Variants in FMN2 observed in about 807,000 individuals in gnomAD.
FMN2 encodes the protein formin-2.
A neutral mutation model predicts 142.3 loss-of-function variants in FMN2; 51 were observed. The observed-to-expected ratio is 0.36, with a 90% confidence interval of 0.29 to 0.45. FMN2 has a LOEUF of 0.45. Among genes scored for constraint, FMN2 ranks in the 20% least tolerant of loss-of-function variants. The pLI is 1.00. For missense variants in FMN2, 1,936 were observed against 2,122.8 expected (o/e 0.91, Z 1.73); for synonymous variants, 882 against 869.8 (o/e 1.01, Z -0.25).
intron 16 of FMN2, among the ~76,000 whole-genome samples, chr1:240,443,819 A>G (rs1675711144): frequency 6.6e-6 from 1 of 152,108 alleles, no homozygotes; most frequent in African/African-American, 2.4e-5. Context: ...ACTAACATTT[A>G]TTCTACCAAG....
chr1:240,272,396 C>A (rs558587428), intron 7 of FMN2, among the ~76,000 whole-genome samples: 1 of 152,216 alleles, frequency 6.6e-6, no homozygotes, highest in Admixed American at 6.5e-5. Flanking sequence ...TGGCATAATC[C>A]TTGAGAGGGG....
At chr1:240,339,731 C>A (rs12406544) in intron 13 of FMN2, among the ~76,000 whole-genome samples, 26,092 of 152,004 alleles carry the variant, frequency 0.17, 2,819 homozygotes, top group African/African-American at 0.3. Context: ...GTGTTTATTG[C>A]ATGTGCATAC....
At chr1:240,343,852 C>G (rs1671818564) in intron 13 of FMN2, among the ~76,000 whole-genome samples, 1 of 152,054 alleles carries the variant, frequency 6.6e-6, no homozygotes, top group African/African-American at 2.4e-5. Context: ...CAGGAAGATT[C>G]TGAGTGGACA....
chr1:240,180,310 C>A (rs111893234), intron 3 of FMN2: 10 of 457,998 alleles, frequency 2.2e-5, no homozygotes, highest in Non-Finnish European at 3.2e-5. Flanking sequence ...GACTCCCTGA[C>A]GTAAATTTGG....
At chr1:240,165,041 G>T (rs1170400427) in intron 2 of FMN2, among the ~76,000 whole-genome samples, 1 of 151,742 alleles carries the variant, frequency 6.6e-6, no homozygotes, top group Non-Finnish European at 1.5e-5. Flanking sequence ...ATCCTTCTTT[G>T]AATGCACTAA....
chr1:240,314,389 C>T (rs953332389), intron 8 of FMN2, among the ~76,000 whole-genome samples: 4 of 152,060 alleles, frequency 2.6e-5, no homozygotes, highest in African/African-American at 9.7e-5. Flanking sequence ...TTCACATTTC[C>T]CTCAGAAATG....
rs191996324 is a variant in FMN2, at chr1:240,206,529, C to T, written c.1987-270C>T. 3.1e-4 allele frequency among the ~76,000 whole-genome samples: 47 copies of T among 152,058 alleles called. No homozygotes were observed. In the East Asian group the frequency reaches 6.0e-3, roughly 19 times the overall value. ...CTGGTTTATCACTCAGAGCTTTCTT[C>T]CCTGTTCTCAGTGGTCTATTTGTCC... On this transcript the variant is annotated intron_variant, in intron 4 of 17. Coordinates refer to ENST00000319653, the MANE Select transcript of FMN2 (RefSeq NM_020066.5).
chr1:240,109,292 C>G (rs1661721600), intron 1 of FMN2, among the ~76,000 whole-genome samples: 1 of 152,162 alleles, frequency 6.6e-6, no homozygotes, highest in African/African-American at 2.4e-5. Context: ...AAGATTTCTT[C>G]TGGCTCTAAC....
At chr1:240,146,475 G>C (rs1346722066) in intron 2 of FMN2, among the ~76,000 whole-genome samples, 1 of 151,638 alleles carries the variant, frequency 6.6e-6, no homozygotes, top group Admixed American at 6.6e-5. Flanking sequence ...GGCCAAGGCG[G>C]GCAGATCACT....
chr1:240,329,381 AG>A lies in FMN2; in HGVS notation c.4351del (p.Val1451SerfsTer31). The A allele has an allele frequency of 6.2e-7, 1 of 1,613,886 alleles. No homozygotes were observed. The highest frequency in any genetic ancestry group is 8.5e-7 in the Non-Finnish European group (1 of 1,179,944). ...LSLIPNFSER[V>X]FCILFQSTFS... ...CACTAATCCCCAACTTTTCAGAGCG[AG>A]TCTTTTGCATCCTGTTCCAGTCCAC... On this transcript the variant is annotated frameshift_variant, in exon 10 of 18. Transcript: ENST00000319653. LOFTEE classifies it high-confidence loss of function.
intron 16 of FMN2, among the ~76,000 whole-genome samples, chr1:240,440,827 C>G (rs1345141839): frequency 6.7e-6 from 1 of 149,480 alleles, no homozygotes; most frequent in African/African-American, 2.6e-5. Context: ...GAGGGACCAG[C>G]TATGTACTTC....
intron 7 of FMN2, among the ~76,000 whole-genome samples, chr1:240,292,174 T>A (rs911538751): frequency 2.0e-5 from 3 of 152,214 alleles, no homozygotes; most frequent in Non-Finnish European, 4.4e-5. Flanking sequence ...CACCTTGATA[T>A]AATTTCAATA....
chr1:240,178,195 A>T, intron 3 of FMN2, 127 bp downstream of exon 3: 1 of 1,148,776 alleles, frequency 8.7e-7, no homozygotes, highest in East Asian at 3.0e-5. Context: ...TAATCTTCAA[A>T]AAGTTTTTAC....
At chr1:240,323,183 T>TTTTC (rs1419568311) in intron 8 of FMN2, among the ~76,000 whole-genome samples, 3 of 151,342 alleles carry the variant, frequency 2.0e-5, no homozygotes, top group African/African-American at 4.9e-5. Flanking sequence ...CTCTCTTTTC[T>TTTTC]TTTCTTTCTT....
chr1:240,445,910 T>C (rs1263224816), intron 16 of FMN2, among the ~76,000 whole-genome samples: 2 of 152,090 alleles, frequency 1.3e-5, no homozygotes, highest in African/African-American at 2.4e-5. Context: ...GAATTTGAGA[T>C]ATATTTTGGA....
chr1:240,288,612 C>A (rs575244453), intron 7 of FMN2, among the ~76,000 whole-genome samples: 14 of 152,122 alleles, frequency 9.2e-5, no homozygotes, highest in African/African-American at 3.4e-4. Flanking sequence ...ATTCCCTAGC[C>A]CTTATATGTG....
At chr1:240,195,254 G>A (rs1665869346) in intron 4 of FMN2, among the ~76,000 whole-genome samples, 1 of 152,222 alleles carries the variant, frequency 6.6e-6, no homozygotes, top group Non-Finnish European at 1.5e-5. Context: ...CCCAGCTGAT[G>A]TTGAATGAGG....
At chr1:240,154,107 CAAA>C (rs3047182) in intron 2 of FMN2, among the ~76,000 whole-genome samples, 34 of 55,312 alleles carry the variant, frequency 6.1e-4, no homozygotes, top group Admixed American at 1.2e-3. Flanking sequence ...GAGATTCCAT[CAAA>C]AAAAAAAAAA....
chr1:240,256,232 C>T (rs1428813089), intron 6 of FMN2, among the ~76,000 whole-genome samples: 5 of 151,044 alleles, frequency 3.3e-5, no homozygotes, highest in Non-Finnish European at 5.9e-5. Context: ...TATTAAATTC[C>T]TACTTTTTAA....
Sources: allele counts gnomAD v4.1 joint callset (sites outside exome capture counted in the v4.1 genomes callset), GRCh38; gene constraint gnomAD v4.1.1; transcripts MANE v1.5; gene names NCBI Gene and HGNC (gene_info 2026-07-23, HGNC 2026-07-21).